Variants in DLGAP1 observed in about 807,000 individuals in gnomAD.
DLGAP1 encodes DLG associated protein 1, also known as disks large-associated protein 1.
DLGAP1 carries 11 observed loss-of-function variants against 90.8 expected under a neutral mutation model. The ratio of observed to expected loss-of-function variants is 0.12; its 90% confidence interval spans 0.08 to 0.20. The LOEUF is 0.20. Among genes scored for constraint, DLGAP1 ranks in the 10% least tolerant of loss-of-function variants. The pLI is 1.00. For missense variants in DLGAP1, 1,050 were observed against 1,333.8 expected, an observed-to-expected ratio of 0.79 and a Z score of 3.31; for synonymous variants, 558 against 540.7, an observed-to-expected ratio of 1.03 and a Z score of -0.44.
At chr18:4,235,785 G>A (rs1295121096) in intron 1 of DLGAP1, among the ~76,000 whole-genome samples, 1 of 133,694 alleles carries the variant, frequency 7.5e-6, no homozygotes, top group African/African-American at 2.8e-5. Context: ...GAGTGCAGTG[G>A]CATGATCTTG....
intron 3 of DLGAP1, among the ~76,000 whole-genome samples, chr18:3,966,072 A>G (rs781017707): frequency 6.6e-6 from 1 of 152,060 alleles, no homozygotes; most frequent in Non-Finnish European, 1.5e-5. Context: ...AATTTTAAAT[A>G]ATAAGTGCCC....
intron 3 of DLGAP1, 137 bp from the exon 4 acceptor site, chr18:3,880,277 G>A: frequency 1.6e-6 from 1 of 606,338 alleles, no homozygotes; most frequent in Non-Finnish European, 2.9e-6. Context: ...TCCACATCCT[G>A]GGCTCAAGCC....
chr18:3,980,978 T>C (rs2073716237), intron 3 of DLGAP1, among the ~76,000 whole-genome samples: 1 of 152,234 alleles, frequency 6.6e-6, no homozygotes, highest in African/African-American at 2.4e-5. Flanking sequence ...ATAGATCTCT[T>C]GGACTTATGC....
At chr18:4,239,488 A>G (rs1001480923) in intron 1 of DLGAP1, among the ~76,000 whole-genome samples, 5 of 152,224 alleles carry the variant, frequency 3.3e-5, no homozygotes, top group African/African-American at 1.2e-4. Flanking sequence ...TTAGTTATGT[A>G]CTCAGAAGGT....
intron 9 of DLGAP1, among the ~76,000 whole-genome samples, chr18:3,535,896 G>A (rs530717266): frequency 3.3e-5 from 5 of 152,034 alleles, no homozygotes; most frequent in Admixed American, 1.3e-4. Flanking sequence ...TTAGCTGGGC[G>A]TGGTGGCACA....
At chr18:3,706,302 G>C (rs1370367987) in intron 7 of DLGAP1, among the ~76,000 whole-genome samples, 2 of 152,252 alleles carry the variant, frequency 1.3e-5, no homozygotes, top group South Asian at 2.1e-4. Context: ...CTGGCAAATG[G>C]TGCATTTTTC....
chr18:3,718,540 C>A (rs564680172), intron 7 of DLGAP1, among the ~76,000 whole-genome samples: 1 of 152,042 alleles, frequency 6.6e-6, no homozygotes, highest in Non-Finnish European at 1.5e-5. Flanking sequence ...CTAAGGAAAC[C>A]GCCTTGCCCA....
At chr18:4,022,498 T>A (rs1341649088) in intron 2 of DLGAP1, among the ~76,000 whole-genome samples, 1 of 152,134 alleles carries the variant, frequency 6.6e-6, no homozygotes, top group Non-Finnish European at 1.5e-5. Context: ...TACTGTGGCA[T>A]AAGTATCTTC....
chr18:3,626,241 T>G (rs942076087), intron 7 of DLGAP1, among the ~76,000 whole-genome samples: 2 of 148,780 alleles, frequency 1.3e-5, no homozygotes, highest in Non-Finnish European at 3.0e-5. Context: ...CAATGAGTAG[T>G]GATCGCGCCA....
intron 2 of DLGAP1, among the ~76,000 whole-genome samples, chr18:4,035,549 T>A (rs1474977410): frequency 1.3e-5 from 2 of 152,170 alleles, no homozygotes; most frequent in Admixed American, 6.5e-5. Context: ...AAATTGATTA[T>A]TTACTCCACA....
At chr18:4,298,451 T>C (rs1418956887) in intron 1 of DLGAP1, among the ~76,000 whole-genome samples, 1 of 152,158 alleles carries the variant, frequency 6.6e-6, no homozygotes, top group Non-Finnish European at 1.5e-5. Flanking sequence ...CCATAAAAAA[T>C]GATGAGTTCA....
intron 3 of DLGAP1, among the ~76,000 whole-genome samples, chr18:3,926,058 G>GGATT (rs1322089878): frequency 2.0e-5 from 3 of 152,292 alleles, no homozygotes; most frequent in African/African-American, 7.2e-5. Flanking sequence ...GTGCATTCTA[G>GGATT]GATTGCCTAT....
chr18:3,618,265 G>C (rs749308918), intron 7 of DLGAP1, among the ~76,000 whole-genome samples: 27 of 152,186 alleles, frequency 1.8e-4, no homozygotes, highest in Admixed American at 3.3e-4. Context: ...AAGGGGCTTT[G>C]AAGAGAGAGA....
chr18:3,667,519 G>A (rs1325545004), intron 7 of DLGAP1, among the ~76,000 whole-genome samples: 1 of 152,078 alleles, frequency 6.6e-6, no homozygotes, highest in Non-Finnish European at 1.5e-5. Flanking sequence ...TTTCCACTCC[G>A]GTGGACTAGG....
chr18:3,655,441 C>A (rs562457649), intron 7 of DLGAP1: 1 of 152,162 alleles, frequency 6.6e-6, no homozygotes, highest in Non-Finnish European at 1.5e-5. Flanking sequence ...TTTGCTTGGA[C>A]GTCTCTTTTG....
At chr18:3,830,912 T>A (rs2067997185) in intron 4 of DLGAP1, among the ~76,000 whole-genome samples, 1 of 152,226 alleles carries the variant, frequency 6.6e-6, no homozygotes. Flanking sequence ...AAAGTGCTCA[T>A]GAAATCTCTA....
chr18:3,718,926 G>GAA (rs58552058), intron 7 of DLGAP1, among the ~76,000 whole-genome samples: 47 of 95,456 alleles, frequency 4.9e-4, no homozygotes, highest in African/African-American at 1.8e-3. Context: ...GACTTTGTCT[G>GAA]AAAAAAAAAA....
At chr18:4,109,505 A>G (rs2075932981) in intron 2 of DLGAP1, among the ~76,000 whole-genome samples, 2 of 152,132 alleles carry the variant, frequency 1.3e-5, no homozygotes, top group Admixed American at 1.3e-4. Flanking sequence ...TAAAGTGTCC[A>G]TTGGCTTTGG....
chr18:3,499,479 C>CTG lies in DLGAP1; in HGVS notation c.2725-86_2725-85insCA. On this transcript the variant is annotated intron_variant, in intron 12 of 12. Coordinates refer to ENST00000315677, the MANE Select transcript of DLGAP1 (RefSeq NM_004746.4). The surrounding 1 kb of genome is among the most constrained non-coding windows in gnomAD (Gnocchi z 6.4). Reference sequence around the variant, plus strand: ...CTGGGATAGGTCAGTAGTTAGAACACACAGTTTTTTACCTAGGGGTGGTTA... The same window carrying CTG: ...CTGGGATAGGTCAGTAGTTAGAACACTGACAGTTTTTTACCTAGGGGTGGTTA... 1 of 1,421,870 alleles carries CTG rather than the reference C, an allele frequency of 7.0e-7. No individual in the cohort carries two copies. The highest frequency in any genetic ancestry group is 9.5e-7 in the Non-Finnish European group (1 of 1,047,840). 88.1% of individuals were successfully genotyped at this position (1,421,870 alleles called of 1,614,324 possible).
Sources: allele counts gnomAD v4.1 joint callset (sites outside exome capture counted in the v4.1 genomes callset), GRCh38; gene constraint gnomAD v4.1.1; non-coding constraint Gnocchi (gnomAD v3.1); transcripts MANE v1.5; gene names NCBI Gene and HGNC (gene_info 2026-07-23, HGNC 2026-07-21).